The following DZANK1 variants were observed in gnomAD, a reference collection of about 807,000 sequenced individuals.
DZANK1 encodes double zinc ribbon and ankyrin repeat domains 1.
In DZANK1, 91 loss-of-function variants were observed where a neutral mutation model predicts 94.5. The ratio of observed to expected loss-of-function variants is 0.96; its 90% confidence interval spans 0.81 to 1.15. The LOEUF (loss-of-function observed/expected upper bound fraction) is 1.15. DZANK1 is among the 50% of genes most tolerant of loss of function. The pLI is 0.00. For synonymous variants in DZANK1, 312 were observed against 325.3 expected (o/e 0.96, Z 0.44); for missense variants, 903 against 916.4 (o/e 0.99, Z 0.19).
At chr20:18,433,556 AT>A in intron 9 of DZANK1, 95 bp downstream of exon 9, 3 of 1,151,600 alleles carry the variant, frequency 2.6e-6, no homozygotes, top group Admixed American at 2.4e-5. Context: ...AAAAAAAAAA[AT>A]TGTTACCCCA....
chr20:18,402,238 T>TA (rs1434565082), intron 13 of DZANK1, among the ~76,000 whole-genome samples: 2 of 152,024 alleles, frequency 1.3e-5, no homozygotes, highest in African/African-American at 4.8e-5. Context: ...AGGCAGTTGT[T>TA]AAACTTTCTC....
intron 10 of DZANK1, among the ~76,000 whole-genome samples, chr20:18,421,731 T>C (rs1031599791): frequency 1.3e-5 from 2 of 152,184 alleles, no homozygotes; most frequent in African/African-American, 2.4e-5. Flanking sequence ...GTATGTCCCA[T>C]AGGCTTTTGA....
chr20:18,396,809 G>T (rs539156420), intron 14 of DZANK1, among the ~76,000 whole-genome samples: 1 of 152,294 alleles, frequency 6.6e-6, no homozygotes, highest in East Asian at 1.9e-4. Flanking sequence ...CTGCCAAATT[G>T]AATAAAAAGG....
Position 18,453,667 on chromosome 20 carries a change from A to G in DZANK1, c.475+64T>C, listed in dbSNP as rs1168355760. On this transcript the variant is annotated intron_variant, in intron 5 of 20. Transcript: ENST00000262547. Reference sequence around the variant, plus strand: ...CCAGACAAGAAAACATGCAACGAACATGCCATGAACCTCTTCGGTGGGTTC... The same window carrying G: ...CCAGACAAGAAAACATGCAACGAACGTGCCATGAACCTCTTCGGTGGGTTC... 3.5e-6 allele frequency: 4 copies of G among 1,135,524 alleles called. No homozygotes were observed. In the Admixed American group the frequency reaches 5.7e-5, roughly 16 times the overall value. 70.3% of individuals were successfully genotyped at this position (1,135,524 alleles called of 1,614,324 possible).
chr20:18,389,577 G>C, intron 19 of DZANK1, 124 bp downstream of exon 19: 1 of 1,371,776 alleles, frequency 7.3e-7, no homozygotes, highest in Non-Finnish European at 9.8e-7. Flanking sequence ...AGCTGAAATA[G>C]GTTAAAATGG....
intron 9 of DZANK1, among the ~76,000 whole-genome samples, chr20:18,429,909 T>C (rs2058213643): frequency 6.6e-6 from 1 of 152,222 alleles, no homozygotes; most frequent in Non-Finnish European, 1.5e-5. Context: ...TGATTTGGAA[T>C]TGAGGCTACC....
chr20:18,421,035 C>T, intron 10 of DZANK1: 1 of 173,978 alleles, frequency 5.7e-6, no homozygotes, highest in Admixed American at 5.5e-5. Flanking sequence ...CTCTCTGGAG[C>T]CTGTCAAGCG....
intron 10 of DZANK1, 123 bp from the exon 11 acceptor site, chr20:18,415,572 T>C: frequency 8.7e-7 from 1 of 1,144,028 alleles, no homozygotes; most frequent in Non-Finnish European, 1.1e-6. Context: ...TTTTTTTGTT[T>C]TGTTTTGTTT....
exon 8 of DZANK1, chr20:18,443,379 C>A (rs768845619): frequency 6.5e-7 from 1 of 1,550,134 alleles, no homozygotes; most frequent in South Asian, 1.2e-5. Flanking sequence ...AGACGACAGC[C>A]AAATATGGGT....
At chr20:18,394,964 AC>A in intron 15 of DZANK1, 1 of 439,670 alleles carries the variant, frequency 2.3e-6, no homozygotes, top group Non-Finnish European at 4.6e-6. Flanking sequence ...GTCTGTGTGC[AC>A]CCGGACTGAT....
chr20:18,428,146 G>A (rs28656112), intron 9 of DZANK1, among the ~76,000 whole-genome samples: 50,532 of 141,672 alleles, frequency 0.36, 9,885 homozygotes, highest in Middle Eastern at 0.47. Flanking sequence ...GCAAGACTCC[G>A]TCTCAAAAAA....
At chr20:18,437,267 T>C (rs6081140) in intron 8 of DZANK1, among the ~76,000 whole-genome samples, 41,181 of 152,156 alleles carry the variant, frequency 0.27, 5,875 homozygotes, top group South Asian at 0.35. Flanking sequence ...AGGACGATAC[T>C]TAAGCAATGT....
chr20:18,386,826 A>G (rs1034757103), intron 19 of DZANK1, among the ~76,000 whole-genome samples: 3 of 152,228 alleles, frequency 2.0e-5, no homozygotes, highest in Non-Finnish European at 4.4e-5. Context: ...CAAAAACAGC[A>G]CATCTAAAAA....
At chr20:18,463,700 A>C (rs1302256481) in intron 2 of DZANK1, among the ~76,000 whole-genome samples, 1 of 152,214 alleles carries the variant, frequency 6.6e-6, no homozygotes, top group Non-Finnish European at 1.5e-5. Context: ...CATACATTAA[A>C]ATGTTTAATT....
intron 5 of DZANK1, among the ~76,000 whole-genome samples, chr20:18,452,955 G>A (rs908180611): frequency 1.3e-5 from 2 of 152,120 alleles, no homozygotes; most frequent in African/African-American, 2.4e-5. Context: ...CATCTTCCCC[G>A]CTGCATTCTA....
intron 16 of DZANK1, 115 bp downstream of exon 16, chr20:18,394,139 A>G (rs2148220462): frequency 1.1e-6 from 1 of 898,238 alleles, no homozygotes; most frequent in South Asian, 1.6e-5. Flanking sequence ...CGTCTGGAAC[A>G]TAACTGCAAG....
chr20:18,445,024 A>G (rs977355199), intron 7 of DZANK1, among the ~76,000 whole-genome samples: 9 of 151,514 alleles, frequency 5.9e-5, no homozygotes, highest in African/African-American at 2.2e-4. Context: ...AGCCAAGATG[A>G]TCTCGATCTC....
chr20:18,417,943 G>A (rs572509778), intron 10 of DZANK1, among the ~76,000 whole-genome samples: 28 of 152,120 alleles, frequency 1.8e-4, no homozygotes, highest in African/African-American at 5.8e-4. Context: ...AACATTAGCC[G>A]GGCGTGGTGG....
intron 4 of DZANK1, 132 bp from the exon 5 acceptor site, chr20:18,453,959 C>G: frequency 1.3e-6 from 1 of 775,144 alleles, no homozygotes; most frequent in South Asian, 1.4e-5. Context: ...CAAAGTGACC[C>G]CTGTTTCACT....
Sources: gnomAD v4.1 joint callset for allele counts (sites outside exome capture counted in the v4.1 genomes callset) on GRCh38, gnomAD v4.1.1 for gene constraint, MANE v1.5 for transcripts, NCBI Gene and HGNC (gene_info 2026-07-23, HGNC 2026-07-21) for gene names.